Variants in IL20RA observed in about 807,000 individuals in gnomAD.
The protein encoded by IL20RA is interleukin-20 receptor subunit alpha.
IL20RA carries 29 observed loss-of-function variants against 36.5 expected under a neutral mutation model. The observed-to-expected ratio is 0.79, with a 90% CI of 0.59 to 1.08. The LOEUF is 1.08. Among genes scored for constraint, IL20RA ranks in the 50% least tolerant of loss-of-function variants. The probability of loss-of-function intolerance (pLI) is 0.00; values close to 1 mark genes in which losing one functional copy is unlikely to be tolerated. For missense variants in IL20RA, 652 were observed against 668.4 expected, an observed-to-expected ratio of 0.98 and a Z score of 0.27; for synonymous variants, 279 against 267.1, an observed-to-expected ratio of 1.04 and a Z score of -0.43.
intron 1 of IL20RA, among the ~76,000 whole-genome samples, chr6:137,017,484 C>G (rs537222380): frequency 6.6e-6 from 1 of 152,142 alleles, no homozygotes; most frequent in South Asian, 2.1e-4. Flanking sequence ...GCATGAGAGA[C>G]CTCGTGTGAG....
In IL20RA at chr6:137,002,204, AG is replaced by A. The variant is rs1429632620; in HGVS notation, c.1015del (p.Asn340MetfsTer9). ...LLGKSSDVSS[L>X]NDPQPSGNLR... ...GTTCCCGCTGGGCTGAGGATCATTAAGGCTGGATACATCACTGCTTTTTCCC... is the reference window on the plus strand; with the variant it reads ...GTTCCCGCTGGGCTGAGGATCATTAAGCTGGATACATCACTGCTTTTTCCC... On this transcript the variant is annotated frameshift_variant, in exon 7 of 7. Coordinates refer to ENST00000316649, the MANE Select transcript of IL20RA (RefSeq NM_014432.4). LOFTEE classifies it low-confidence loss of function (END_TRUNC). The A allele has an allele frequency of 6.2e-7, 1 of 1,614,178 alleles. No individual in the cohort carries two copies. Among genetic ancestry groups the A allele is most frequent in the Admixed American group, 1.7e-5 (1 of 60,022 alleles).
chr6:137,039,090 G>A (rs1427797995), intron 1 of IL20RA, among the ~76,000 whole-genome samples: 2 of 152,188 alleles, frequency 1.3e-5, no homozygotes, highest in Non-Finnish European at 2.9e-5. Flanking sequence ...AAGAGTCAGA[G>A]CTAAACGAAA....
At chr6:137,029,934 GAA>G (rs1325970487) in intron 1 of IL20RA, among the ~76,000 whole-genome samples, 1 of 36,448 alleles carries the variant, frequency 2.7e-5, no homozygotes, top group East Asian at 2.7e-3. Flanking sequence ...AAAAATAATA[GAA>G]AAGGTAAAAA....
chr6:137,041,059 T>C (rs1776676292), intron 1 of IL20RA, among the ~76,000 whole-genome samples: 1 of 152,266 alleles, frequency 6.6e-6, no homozygotes, highest in African/African-American at 2.4e-5. Context: ...ACAATTTATG[T>C]GGCATTTCTG....
intron 1 of IL20RA, among the ~76,000 whole-genome samples, chr6:137,039,958 GA>G (rs1384654766): frequency 5.3e-5 from 8 of 151,432 alleles, no homozygotes; most frequent in Non-Finnish European, 8.8e-5. Flanking sequence ...AAGGAGTAAA[GA>G]AAAAAAAGGA....
Position 137,008,679 on chromosome 6 carries a change from C to T in IL20RA, c.644G>A (p.Cys215Tyr). ...LTWLEPNTLY[C>Y]VHVESFVPGP... ...TGGGACGAAGGACTCCACGTGTACG[C>T]AGTAAAGAGTGTTCGGCTCCAGCCA... The change falls in exon 5 of 7, where the codon TGC (cysteine) becomes TAC (tyrosine). Residue 215 changes from cysteine (C) to tyrosine (Y), a missense_variant. Physicochemically the swap from Cys to Tyr is radical, Grantham distance 194. Coordinates refer to ENST00000316649, the MANE Select transcript of IL20RA (RefSeq NM_014432.4). 2 of 1,608,540 alleles carry T rather than the reference C, an allele frequency of 1.2e-6. No homozygotes were observed. The highest frequency in any genetic ancestry group is 1.1e-5 in the South Asian group (1 of 89,156).
chr6:137,016,622 C>T (rs532884265), intron 2 of IL20RA, among the ~76,000 whole-genome samples: 4 of 152,210 alleles, frequency 2.6e-5, no homozygotes, highest in East Asian at 1.9e-4. Context: ...AATGTGCACG[C>T]GGTTTCAAGG....
At chr6:137,021,502 C>CCA (rs1775902614) in intron 1 of IL20RA, among the ~76,000 whole-genome samples, 1 of 140,144 alleles carries the variant, frequency 7.1e-6, no homozygotes, top group Non-Finnish European at 1.5e-5. Context: ...CTGTTTCTAG[C>CCA]AAAAAAAAAA....
Position 137,044,772 on chromosome 6 carries a change from C to A in IL20RA, c.-44G>T. On this transcript the variant is annotated 5_prime_UTR_variant, in exon 1 of 7. Transcript: ENST00000316649. ...ACATGTCGGGGGGCAGCAGACTGCT[C>A]AGTCCCACGCCCGCTGGGGCCAAGC... 1 of 1,208,296 alleles carries A rather than the reference C, an allele frequency of 8.3e-7. No individual in the cohort carries two copies. Among genetic ancestry groups the A allele is most frequent in the South Asian group, 4.2e-5 (1 of 23,818 alleles). The allele number at this position is 1,208,296 out of a possible 1,614,324, so 74.8% of individuals were successfully genotyped here.
intron 2 of IL20RA, among the ~76,000 whole-genome samples, chr6:137,012,001 G>T (rs1277227461): frequency 1.3e-5 from 2 of 152,172 alleles, no homozygotes; most frequent in African/African-American, 2.4e-5. Flanking sequence ...GACTAGATTG[G>T]TCATACTGAT....
At chr6:137,033,509 G>A (rs1776371597) in intron 1 of IL20RA, among the ~76,000 whole-genome samples, 1 of 152,202 alleles carries the variant, frequency 6.6e-6, no homozygotes, top group African/African-American at 2.4e-5. Flanking sequence ...GCTTGGTGCT[G>A]TTCTCCTGAT....
At chr6:137,023,061 A>G (rs1795254024) in intron 1 of IL20RA, among the ~76,000 whole-genome samples, 2 of 152,200 alleles carry the variant, frequency 1.3e-5, no homozygotes, top group South Asian at 4.1e-4. Context: ...CCATGTGGAT[A>G]TCTTATGGTG....
At chr6:137,023,216 C>G (rs1165875266) in intron 1 of IL20RA, among the ~76,000 whole-genome samples, 1 of 151,406 alleles carries the variant, frequency 6.6e-6, no homozygotes, top group East Asian at 1.9e-4. Flanking sequence ...AGTGGTGGGT[C>G]ACAGAACCCA....
chr6:137,031,872 T>C (rs1776297052), intron 1 of IL20RA, among the ~76,000 whole-genome samples: 1 of 151,932 alleles, frequency 6.6e-6, no homozygotes, highest in Non-Finnish European at 1.5e-5. Flanking sequence ...CTGGCCAACA[T>C]GGCAAAACCC....
chr6:137,044,166 G>T, intron 1 of IL20RA: 2 of 986,042 alleles, frequency 2.0e-6, no homozygotes, highest in Non-Finnish European at 2.4e-6. Flanking sequence ...TTTAAAGCGC[G>T]GATCTCGCGA....
intron 1 of IL20RA, among the ~76,000 whole-genome samples, chr6:137,032,602 AT>A (rs1209473939): frequency 1.3e-5 from 2 of 152,088 alleles, no homozygotes; most frequent in Non-Finnish European, 2.9e-5. Context: ...TCAATGTTGC[AT>A]TTCTTTTAAC....
chr6:137,035,215 T>C (rs1437114933), intron 1 of IL20RA, among the ~76,000 whole-genome samples: 2 of 152,174 alleles, frequency 1.3e-5, no homozygotes, highest in African/African-American at 4.8e-5. Context: ...TTACTAAAAG[T>C]ATTTAAGGTA....
At chr6:137,009,241 T>C (rs999933145) in intron 4 of IL20RA, 76 bp downstream of exon 4, 5 of 1,128,722 alleles carry the variant, frequency 4.4e-6, no homozygotes, top group Non-Finnish European at 6.8e-6. Flanking sequence ...AGAGAATCAA[T>C]GCATCAGGGT....
intron 1 of IL20RA, among the ~76,000 whole-genome samples, chr6:137,026,875 A>G (rs1310696723): frequency 6.6e-6 from 1 of 152,104 alleles, no homozygotes; most frequent in African/African-American, 2.4e-5. Context: ...GTTCCCACAA[A>G]AAGTAAGTCT....
Sources: gnomAD v4.1 joint callset for allele counts (sites outside exome capture counted in the v4.1 genomes callset) on GRCh38, gnomAD v4.1.1 for gene constraint, MANE v1.5 for transcripts, NCBI Gene and HGNC (gene_info 2026-07-23, HGNC 2026-07-21) for gene names.